NARS2: variants seen among roughly 807,000 people sequenced by gnomAD.
The protein encoded by NARS2 is asparaginyl-tRNA synthetase.
In NARS2, 60 loss-of-function variants were observed where a neutral mutation model predicts 62.9. The observed-to-expected ratio is 0.95, with a 90% confidence interval of 0.77 to 1.18. The LOEUF (loss-of-function observed/expected upper bound fraction) is 1.18. Among genes scored for constraint, NARS2 ranks in the 50% most tolerant of loss-of-function variants. The probability of loss-of-function intolerance (pLI) is 0.00; values close to 1 mark genes in which losing one functional copy is unlikely to be tolerated. For missense variants in NARS2, 619 were observed against 576.4 expected (o/e 1.07, Z -0.76); for synonymous variants, 196 against 200.0 (o/e 0.98, Z 0.17).
At chr11:78,469,491 A>C (rs1858775609) in intron 9 of NARS2, among the ~76,000 whole-genome samples, 178 bp from the exon 10 acceptor site, 1 of 152,252 alleles carries the variant, frequency 6.6e-6, no homozygotes, top group Non-Finnish European at 1.5e-5. Flanking sequence ...GTAACCATTC[A>C]ATAACCTCAA....
intron 11 of NARS2, among the ~76,000 whole-genome samples, chr11:78,464,545 C>T (rs1252582083): frequency 6.6e-6 from 1 of 152,182 alleles, no homozygotes; most frequent in Non-Finnish European, 1.5e-5. Flanking sequence ...AGAGTGTCCA[C>T]ACAAAGGTTC....
intron 4 of NARS2, among the ~76,000 whole-genome samples, chr11:78,563,411 T>G (rs1414289048): frequency 6.6e-6 from 1 of 151,694 alleles, no homozygotes. Context: ...AGACACGGGG[T>G]ATCACCATGT....
chr11:78,460,289 T>A (rs77831842), intron 11 of NARS2, among the ~76,000 whole-genome samples: 3,831 of 150,032 alleles, frequency 0.026, 167 homozygotes, highest in African/African-American at 0.091. Context: ...TTTTTTTTAA[T>A]GGGGATGGAG....
At chr11:78,461,456 C>T (rs944231388) in intron 11 of NARS2, among the ~76,000 whole-genome samples, 2 of 151,234 alleles carry the variant, frequency 1.3e-5, no homozygotes, top group Admixed American at 1.3e-4. Flanking sequence ...CACTGACCGG[C>T]CAAGTAAAAT....
chr11:78,483,512 CCTT>C (rs1398302186), intron 7 of NARS2, among the ~76,000 whole-genome samples: 3 of 152,148 alleles, frequency 2.0e-5, no homozygotes, highest in African/African-American at 7.2e-5. Context: ...CCCAAAAACT[CCTT>C]AAGCTGATAA....
chr11:78,462,936 G>C (rs564845314), intron 11 of NARS2, among the ~76,000 whole-genome samples: 2 of 151,970 alleles, frequency 1.3e-5, no homozygotes, highest in African/African-American at 4.8e-5. Flanking sequence ...TAGTTTTTGG[G>C]CCTATTTTGA....
At chr11:78,465,541 C>T (rs1445652218) in intron 11 of NARS2, among the ~76,000 whole-genome samples, 1 of 152,260 alleles carries the variant, frequency 6.6e-6, no homozygotes, top group Non-Finnish European at 1.5e-5. Flanking sequence ...TCACCACAGA[C>T]TAACAAGCTT....
intron 11 of NARS2, among the ~76,000 whole-genome samples, chr11:78,465,207 C>T (rs373360235): frequency 3.3e-5 from 5 of 152,318 alleles, no homozygotes; most frequent in African/African-American, 9.6e-5. Context: ...AGGTGGGGCC[C>T]GCCGAGCCCA....
In NARS2 at chr11:78,523,202, G is replaced by A. The variant is rs369460900; in HGVS notation, c.689+5640C>T. On this transcript the variant is annotated intron_variant, in intron 6 of 13. Coordinates refer to ENST00000281038, the MANE Select transcript of NARS2 (RefSeq NM_024678.6). ...AAAGACGCTCCACACCTTTTCATGT[G>A]CTCATTGACTTTAATGATGAAAACC... Among the ~76,000 whole-genome samples, 7 of 152,268 alleles carry A rather than the reference G, an allele frequency of 4.6e-5. No homozygotes were observed. In the East Asian group the frequency reaches 1.2e-3, roughly 25 times the overall value.
chr11:78,532,897 G>GTA (rs1861531361), intron 5 of NARS2, among the ~76,000 whole-genome samples: 1 of 152,156 alleles, frequency 6.6e-6, no homozygotes, highest in South Asian at 2.1e-4. Flanking sequence ...GGTAATACTT[G>GTA]TAAACTTCTT....
At chr11:78,540,567 A>G (rs1377331613) in intron 5 of NARS2, among the ~76,000 whole-genome samples, 1 of 152,108 alleles carries the variant, frequency 6.6e-6, no homozygotes, top group Non-Finnish European at 1.5e-5. Context: ...TTTGTACCCT[A>G]CCCCCACCTT....
At chr11:78,548,302 A>C (rs866694200) in intron 5 of NARS2, among the ~76,000 whole-genome samples, 5 of 152,360 alleles carry the variant, frequency 3.3e-5, no homozygotes, top group African/African-American at 9.6e-5. Flanking sequence ...TTAGCTAGAA[A>C]AAAGTTGTTT....
intron 6 of NARS2, among the ~76,000 whole-genome samples, chr11:78,521,448 C>A (rs1861118189): frequency 6.6e-6 from 1 of 152,092 alleles, no homozygotes; most frequent in Non-Finnish European, 1.5e-5. Context: ...GTTGAGATTG[C>A]AGGCTTAAGC....
chr11:78,462,540 C>T (rs1214739008), intron 11 of NARS2, among the ~76,000 whole-genome samples: 4 of 152,122 alleles, frequency 2.6e-5, no homozygotes, highest in South Asian at 4.1e-4. Context: ...ATAAAACAGT[C>T]TGCAGTCTAG....
chr11:78,560,521 T>A (rs971258187), intron 4 of NARS2, among the ~76,000 whole-genome samples: 1 of 152,262 alleles, frequency 6.6e-6, no homozygotes, highest in South Asian at 2.1e-4. Context: ...GGATAGTACA[T>A]GCTTAATGCA....
chr11:78,568,944 G>A (rs1185246382), intron 2 of NARS2, among the ~76,000 whole-genome samples, 192 bp from the exon 3 acceptor site: 1 of 152,108 alleles, frequency 6.6e-6, no homozygotes. Context: ...AATTCCATAA[G>A]CTTTAAAATG....
chr11:78,548,571 T>C (rs1317680278), intron 5 of NARS2, among the ~76,000 whole-genome samples: 2 of 152,214 alleles, frequency 1.3e-5, no homozygotes, highest in Non-Finnish European at 2.9e-5. Flanking sequence ...CTGTTTTACC[T>C]ATTTTGGATT....
intron 11 of NARS2, among the ~76,000 whole-genome samples, chr11:78,444,963 A>G (rs1278910423): frequency 1.3e-5 from 2 of 152,198 alleles, no homozygotes; most frequent in Admixed American, 1.3e-4. Flanking sequence ...AGAAAATCAG[A>G]GATGCAAAAA....
Position 78,444,723 on chromosome 11 carries a change from A to C in NARS2, c.1165-965T>G, listed in dbSNP as rs572576678. On this transcript the variant is annotated intron_variant, in intron 11 of 13. Transcript: ENST00000281038. ...GACAGAGCAAGACTCTGTCTCAAAC[A>C]AAACAAAAAAAAAAAAAAGGGTGAT... Among the ~76,000 whole-genome samples the C allele has an allele frequency of 3.0e-3, 434 of 144,758 alleles. 8 individuals carry two copies. Among genetic ancestry groups the C allele is most frequent in the African/African-American group, 0.011 (404 of 37,182 alleles). The allele number at this position is 144,758 out of a possible 152,430, so 95.0% of individuals were successfully genotyped here.
Sources: allele counts gnomAD v4.1 joint callset (sites outside exome capture counted in the v4.1 genomes callset), GRCh38; gene constraint gnomAD v4.1.1; transcripts MANE v1.5; gene names NCBI Gene and HGNC (gene_info 2026-07-23, HGNC 2026-07-21).